CLEC3A: variants seen among roughly 807,000 people sequenced by gnomAD.
The protein encoded by CLEC3A is C-type (calcium dependent, carbohydrate-recognition domain) lectin, superfamily member 1 (cartilage-derived).
CLEC3A carries 28 observed loss-of-function variants against 20.4 expected under a neutral mutation model. The ratio of observed to expected loss-of-function variants is 1.37; its 90% CI spans 1.02 to 1.88. The LOEUF (loss-of-function observed/expected upper bound fraction) is 1.88, where lower values mean the gene tolerates loss of function less well. Ranked by LOEUF, CLEC3A falls within the 40% of genes most tolerant of loss-of-function variation. The probability of loss-of-function intolerance (pLI) is 0.00; values close to 1 mark genes in which losing one functional copy is unlikely to be tolerated. For missense variants in CLEC3A, 357 were observed against 240.4 expected, an observed-to-expected ratio of 1.48 and a Z score of -3.21; for synonymous variants, 110 against 88.1, an observed-to-expected ratio of 1.25 and a Z score of -1.39.
chr16:78,030,310 C>A, intron 2 of CLEC3A, 137 bp from the exon 3 acceptor site: 1 of 774,392 alleles, frequency 1.3e-6, no homozygotes, highest in Non-Finnish European at 2.1e-6. Context: ...TGTTGTCCGG[C>A]ACATAGAAAA....
In CLEC3A at chr16:78,030,455, C is replaced by T. The variant is rs771902356; in HGVS notation, c.208C>T (p.Arg70Ter). The T allele has an allele frequency of 5.0e-6, 8 of 1,603,372 alleles. No individual in the cohort carries two copies. Among genetic ancestry groups the T allele is most frequent in the South Asian group, 2.2e-5 (2 of 89,550 alleles). ...ACTTCACATCTTCACAGTCTGTCTC[C>T]GAGGCACTAAAGTTCACAAGAAATG... The part of the protein sequence containing the change: ...EIQALQTVCL[R>*]GTKVHKKCYL... The change falls in exon 3 of 3, where the codon CGA becomes TGA. Residue 70 changes from arginine to a stop codon, truncating the protein, a stop_gained. Transcript: ENST00000299642. LOFTEE classifies it high-confidence loss of function.
chr16:78,024,354 C>A (rs1237797426), intron 1 of CLEC3A, among the ~76,000 whole-genome samples: 1 of 151,980 alleles, frequency 6.6e-6, no homozygotes, highest in Non-Finnish European at 1.5e-5. Flanking sequence ...CTGAAGTAAT[C>A]GCAGCTTAGG....
At chr16:78,029,195 G>C (rs758894612) in intron 2 of CLEC3A, 44 of 452,704 alleles carry the variant, frequency 9.7e-5, no homozygotes, top group Middle Eastern at 6.5e-4. Flanking sequence ...TGTCAGAGAT[G>C]AGACCTAAAC....
In CLEC3A at chr16:78,031,384, A is replaced by G. The variant is rs1186469235; in HGVS notation, c.*543A>G. ...TGCTCCATCTCCTGGTGGGACTTGTATCTTGTCTGCCATATCAGAACACAA... is the reference window on the plus strand; with the variant it reads ...TGCTCCATCTCCTGGTGGGACTTGTGTCTTGTCTGCCATATCAGAACACAA... On this transcript the variant is annotated 3_prime_UTR_variant, in exon 3 of 3. Transcript: ENST00000299642. 1.3e-5 allele frequency: 2 copies of G among 151,978 alleles called. No homozygotes were observed. Among genetic ancestry groups the G allele is most frequent in the African/African-American group, 2.4e-5 (1 of 41,332 alleles). The allele number at this position is 151,978 out of a possible 1,614,324, so 9.4% of individuals were successfully genotyped here. A position where few individuals can be genotyped will look rare whatever the true frequency, so the allele number is the denominator to read the frequency against.
chr16:78,024,625 A>C (rs575101227), intron 1 of CLEC3A, among the ~76,000 whole-genome samples: 1 of 152,298 alleles, frequency 6.6e-6, no homozygotes, highest in East Asian at 1.9e-4. Context: ...TAGGTGAAGC[A>C]ATAAACCTAA....
At chr16:78,028,493 A>G (rs575039946) in intron 2 of CLEC3A, among the ~76,000 whole-genome samples, 2 of 152,370 alleles carry the variant, frequency 1.3e-5, no homozygotes, top group African/African-American at 4.8e-5. Context: ...GACTAAAATG[A>G]TTAGCATTTA....
intron 1 of CLEC3A, among the ~76,000 whole-genome samples, chr16:78,023,248 C>G (rs1185913009): frequency 6.6e-6 from 1 of 152,136 alleles, no homozygotes; most frequent in African/African-American, 2.4e-5. Flanking sequence ...AGCTGTATTT[C>G]CATATCCTTG....
chr16:78,029,713 T>C (rs2030028997), intron 2 of CLEC3A, among the ~76,000 whole-genome samples: 1 of 151,860 alleles, frequency 6.6e-6, no homozygotes, highest in Non-Finnish European at 1.5e-5. Context: ...TTAAATACCA[T>C]CTAGTTCCAA....
chr16:78,028,079 C>T (rs374426818), intron 1 of CLEC3A, 28 bp from the exon 2 acceptor site: 58 of 1,477,656 alleles, frequency 3.9e-5, no homozygotes, highest in African/African-American at 1.3e-4. Context: ...CATCCACCTA[C>T]CCCATCCCAC....
intron 1 of CLEC3A, among the ~76,000 whole-genome samples, chr16:78,023,158 A>G (rs1426527209): frequency 6.6e-6 from 1 of 152,242 alleles, no homozygotes; most frequent in East Asian, 1.9e-4. Flanking sequence ...ATTTTAAGAT[A>G]ACTATAATCT....
At position 78,022,933 on chromosome 16, in the gene CLEC3A, C is replaced by A. The variant is rs187673277; in HGVS notation, c.115+192C>A. Among the ~76,000 whole-genome samples the A allele has an allele frequency of 5.0e-4, 76 of 151,912 alleles. 1 individual carries two copies. The highest frequency in any genetic ancestry group is 1.8e-3 in the African/African-American group (73 of 41,388). On this transcript the variant is annotated intron_variant, in intron 1 of 2. Transcript: ENST00000299642. ...GATAGTTTATTTTAAAGAAACCAGG[C>A]TGCTGGGTTTTAAAAAAAAACAACA...
rs2030082682 is a variant in CLEC3A, at chr16:78,030,896, A to T, written c.*55A>T. 6.7e-7 allele frequency: 1 copy of T among 1,497,566 alleles called. No individual in the cohort carries two copies. Among genetic ancestry groups the T allele is most frequent in the Non-Finnish European group, 9.0e-7 (1 of 1,116,864 alleles). The allele number at this position is 1,497,566 out of a possible 1,614,324, so 92.8% of individuals were successfully genotyped here. A position where few individuals can be genotyped will look rare whatever the true frequency, so the allele number is the denominator to read the frequency against. ...ATTCATCATAACTTATAGGTTCATG[A>T]TCTCTAAGATCAAGTAAAAATCATA... On this transcript the variant is annotated 3_prime_UTR_variant, in exon 3 of 3. Transcript: ENST00000299642.
chr16:78,031,016 G>A lies in CLEC3A; in HGVS notation c.*175G>A. The A allele has an allele frequency of 1.5e-6, 1 of 686,618 alleles. No individual in the cohort carries two copies. 42.5% of individuals were successfully genotyped at this position (686,618 alleles called of 1,614,324 possible). A position where few individuals can be genotyped will look rare whatever the true frequency, so the allele number is the denominator to read the frequency against. On this transcript the variant is annotated 3_prime_UTR_variant, in exon 3 of 3. Transcript: ENST00000299642. ...TGCTAACACATTTCTTTGGGATTTT[G>A]CCCTTCCTGGGGTATAGGGGATCAG... is the stretch of plus-strand genomic sequence containing the variant.
chr16:78,024,544 C>T (rs2018788702), intron 1 of CLEC3A, among the ~76,000 whole-genome samples: 1 of 152,134 alleles, frequency 6.6e-6, no homozygotes, highest in Admixed American at 6.6e-5. Context: ...GTACACACCT[C>T]TTAAATGTCA....
chr16:78,028,666 A>C (rs1390217722), intron 2 of CLEC3A, among the ~76,000 whole-genome samples: 1 of 152,226 alleles, frequency 6.6e-6, no homozygotes, highest in Non-Finnish European at 1.5e-5. Context: ...CCCAGGAGCT[A>C]TTCTCCAAGG....
Position 78,030,595 on chromosome 16 carries a change from C to T in CLEC3A, c.348C>T (p.Asp116=). The T allele has an allele frequency of 6.2e-7, 1 of 1,614,176 alleles. No homozygotes were observed. The highest frequency in any genetic ancestry group is 8.5e-7 in the Non-Finnish European group (1 of 1,180,042). The change falls in exon 3 of 3, where the codon GAC becomes GAT. Residue 116 remains aspartate (D), a synonymous_variant. Coordinates refer to ENST00000299642, the MANE Select transcript of CLEC3A (RefSeq NM_005752.6). ...RNSDEINALQ[D]YGKRSLPGVN... is the part of the protein sequence containing the mutation. ...CCGACGAAATCAACGCCCTCCAAGA[C>T]TATGGTAAAAGGAGCCTGCCAGGTG...
intron 2 of CLEC3A, among the ~76,000 whole-genome samples, chr16:78,029,535 A>C (rs1268198530): frequency 6.6e-6 from 1 of 151,900 alleles, no homozygotes; most frequent in African/African-American, 2.4e-5. Context: ...CATCCAGCTA[A>C]TTTTTTGTAT....
chr16:78,022,611 G>C lies in CLEC3A; in HGVS notation c.-16G>C. ...AGGGGGCTGGCAACATGGCTCAGCA[G>C]GCTTGCCCCAGAGCCATGGCAAAGA... is the stretch of plus-strand genomic sequence containing the variant. On this transcript the variant is annotated 5_prime_UTR_variant, in exon 1 of 3. Coordinates refer to ENST00000299642, the MANE Select transcript of CLEC3A (RefSeq NM_005752.6). 2 of 1,613,666 alleles carry C rather than the reference G, an allele frequency of 1.2e-6. No homozygotes were observed. Among genetic ancestry groups the C allele is most frequent in the South Asian group, 1.1e-5 (1 of 90,988 alleles).
At chr16:78,028,308 G>C (rs1404780574) in intron 2 of CLEC3A, 118 bp downstream of exon 2, 1 of 662,942 alleles carries the variant, frequency 1.5e-6, no homozygotes, top group Non-Finnish European at 2.4e-6. Flanking sequence ...TGGCCAATAA[G>C]AGGGCCCCAA....
Sources: gnomAD v4.1 joint callset for allele counts (sites outside exome capture counted in the v4.1 genomes callset) on GRCh38, gnomAD v4.1.1 for gene constraint, MANE v1.5 for transcripts, NCBI Gene and HGNC (gene_info 2026-07-23, HGNC 2026-07-21) for gene names.